VWA3B: variants seen among roughly 807,000 people sequenced by gnomAD.
VWA3B encodes the protein von Willebrand factor A domain containing 3B.
A neutral mutation model predicts 158.3 loss-of-function variants in VWA3B; 138 were observed. The observed-to-expected ratio is 0.87, with a 90% CI of 0.76 to 1.00. The LOEUF is 1.00. Among genes scored for constraint, VWA3B ranks in the 50% least tolerant of loss-of-function variants. The pLI is 0.00. For synonymous variants in VWA3B, 596 were observed against 587.3 expected (o/e 1.01, Z -0.21); for missense variants, 1,555 against 1,565.1 (o/e 0.99, Z 0.11).
At chr2:98,171,057 C>T (rs1029405529) in intron 8 of VWA3B, among the ~76,000 whole-genome samples, 1 of 152,192 alleles carries the variant, frequency 6.6e-6, no homozygotes, top group Non-Finnish European at 1.5e-5. Context: ...TCAGAAAACA[C>T]ATGTAAAACA....
intron 9 of VWA3B, among the ~76,000 whole-genome samples, chr2:98,183,950 C>T (rs1680799480): frequency 6.6e-6 from 1 of 152,212 alleles, no homozygotes; most frequent in Non-Finnish European, 1.5e-5. Context: ...CATTGTGAGT[C>T]AGAATTGAGC....
chr2:98,310,764 T>C (rs1690834649), intron 26 of VWA3B, among the ~76,000 whole-genome samples: 1 of 152,192 alleles, frequency 6.6e-6, no homozygotes, highest in Non-Finnish European at 1.5e-5. Context: ...GATTTAAAGA[T>C]GATTTTGTCT....
rs749959561 is a variant in VWA3B at position 98,250,424 on chromosome 2, A to G, written c.2780A>G (p.Gln927Arg). 4 of 1,609,960 alleles carry G rather than the reference A, an allele frequency of 2.5e-6. No homozygotes were observed. The highest frequency in any genetic ancestry group is 3.4e-5 in the Admixed American group (2 of 59,398). ...AAGCGAAAAGTGGAACAGGCAATTC[A>G]ATCCTATGAAAAGTGAGTATTACTC... is the stretch of plus-strand genomic sequence containing the variant. The part of the protein sequence containing the change: ...IYKRKVEQAI[Q>R]SYEKRLNKIV... The change falls in exon 20 of 28, where the codon CAA (glutamine) becomes CGA (arginine). Residue 927 changes from glutamine to arginine, a missense_variant. By Grantham distance (43) the Gln-to-Arg change is conservative. Transcript: ENST00000477737.
intron 7 of VWA3B, among the ~76,000 whole-genome samples, chr2:98,151,368 G>A (rs930886172): frequency 1.3e-5 from 2 of 152,212 alleles, no homozygotes; most frequent in African/African-American, 2.4e-5. Context: ...GCCTCCCAAA[G>A]TGCTGGGATC....
In VWA3B at chr2:98,119,639, C is replaced by T; in HGVS notation, c.418C>T (p.Gln140Ter). 1 of 1,614,106 alleles carries T rather than the reference C, an allele frequency of 6.2e-7. No homozygotes were observed. The highest frequency in any genetic ancestry group is 8.5e-7 in the Non-Finnish European group (1 of 1,180,010). Residue 140 changes from glutamine to a stop codon, truncating the protein, a stop_gained, in exon 4 of 28, where the codon CAG (glutamine) becomes TAG (stop). Coordinates refer to ENST00000477737, the MANE Select transcript of VWA3B (RefSeq NM_144992.5). LOFTEE classifies it high-confidence loss of function. ...SRQIFGVILE[Q>*]CVTIVLDFGG... Reference sequence around the variant, plus strand: ...GCAGATTTTTGGTGTCATCTTGGAACAGTGCGTCACCATAGTGCTGGATTT... The same window carrying T: ...GCAGATTTTTGGTGTCATCTTGGAATAGTGCGTCACCATAGTGCTGGATTT...
chr2:98,199,227 G>A (rs1221824304), intron 12 of VWA3B, among the ~76,000 whole-genome samples: 2 of 152,256 alleles, frequency 1.3e-5, no homozygotes, highest in African/African-American at 4.8e-5. Flanking sequence ...CTTTATTGAT[G>A]AGTATGGAAG....
chr2:98,126,775 G>C (rs1312743186), intron 5 of VWA3B, among the ~76,000 whole-genome samples: 1 of 152,204 alleles, frequency 6.6e-6, no homozygotes, highest in African/African-American at 2.4e-5. Flanking sequence ...GAGAGAAAGA[G>C]GCCTGGGAGG....
chr2:98,133,717 G>A, intron 6 of VWA3B, 107 bp from the exon 7 acceptor site: 1 of 856,806 alleles, frequency 1.2e-6, no homozygotes. Flanking sequence ...CTAAGAAGAT[G>A]AAGATGCCCA....
At chr2:98,095,218 T>C (rs1213194081) in intron 2 of VWA3B, among the ~76,000 whole-genome samples, 1 of 152,222 alleles carries the variant, frequency 6.6e-6, no homozygotes, top group Non-Finnish European at 1.5e-5. Context: ...CTTTGGGTAG[T>C]GTGGATATTT....
chr2:98,205,648 A>C (rs1326233336), intron 12 of VWA3B, among the ~76,000 whole-genome samples: 1 of 152,122 alleles, frequency 6.6e-6, no homozygotes, highest in African/African-American at 2.4e-5. Context: ...ATTTTATTGT[A>C]AGTAAGCTTT....
chr2:98,157,722 G>A (rs1558614413), intron 7 of VWA3B, among the ~76,000 whole-genome samples: 1 of 152,372 alleles, frequency 6.6e-6, no homozygotes, highest in East Asian at 1.9e-4. Context: ...CAGGCAGACT[G>A]CAAGCTCGCC....
chr2:98,303,622 G>T, intron 25 of VWA3B, 80 bp from the exon 26 acceptor site: 1 of 1,327,498 alleles, frequency 7.5e-7, no homozygotes, highest in Admixed American at 1.8e-5. Context: ...TATTATAATG[G>T]GTTGAGCTAG....
At chr2:98,293,640 A>G (rs1689625845) in intron 23 of VWA3B, among the ~76,000 whole-genome samples, 1 of 152,216 alleles carries the variant, frequency 6.6e-6, no homozygotes, top group South Asian at 2.1e-4. Flanking sequence ...ATACATATAT[A>G]CACACACCTT....
At position 98,303,759 on chromosome 2, in the gene VWA3B, T is replaced by A. The variant is rs1364665676; in HGVS notation, c.3478T>A (p.Cys1160Ser). ...CAGCCAAAACAAGTATGCGCTCTCTTGCTCTCATATAAAGTCACCCCCAAT... is the reference window on the plus strand; with the variant it reads ...CAGCCAAAACAAGTATGCGCTCTCTAGCTCTCATATAAAGTCACCCCCAAT... The part of the protein sequence containing the change: ...KISQNKYALS[C>S]SHIKSPPIPE... Residue 1160 changes from cysteine to serine, a missense_variant, in exon 26 of 28, where the codon TGC (cysteine) becomes AGC (serine). Coordinates refer to ENST00000477737, the MANE Select transcript of VWA3B (RefSeq NM_144992.5). The A allele has an allele frequency of 1.2e-6, 2 of 1,614,048 alleles. No individual in the cohort carries two copies. Among genetic ancestry groups the A allele is most frequent in the Admixed American group, 3.3e-5 (2 of 59,998 alleles).
At chr2:98,140,025 G>A (rs184327305) in intron 7 of VWA3B, among the ~76,000 whole-genome samples, 77 of 152,088 alleles carry the variant, frequency 5.1e-4, no homozygotes, top group African/African-American at 1.8e-3. Context: ...AACTCCAGAA[G>A]CGCCGCCTTA....
intron 9 of VWA3B, among the ~76,000 whole-genome samples, chr2:98,185,750 G>A (rs1680989111): frequency 6.6e-6 from 1 of 152,192 alleles, no homozygotes. Flanking sequence ...TCACTGCACA[G>A]ATACATGGCT....
At chr2:98,165,914 G>A (rs1230081276) in intron 8 of VWA3B, among the ~76,000 whole-genome samples, 7 of 152,184 alleles carry the variant, frequency 4.6e-5, no homozygotes, top group South Asian at 2.1e-4. Flanking sequence ...ACCTCCGCCC[G>A]GCAAAGAGAA....
At chr2:98,212,540 T>G (rs537356984) in intron 13 of VWA3B, among the ~76,000 whole-genome samples, 10 of 152,346 alleles carry the variant, frequency 6.6e-5, no homozygotes, top group African/African-American at 2.4e-4. Flanking sequence ...TCATCTTCTT[T>G]TGAGCTTTGT....
intron 7 of VWA3B, among the ~76,000 whole-genome samples, chr2:98,158,099 C>T (rs777448267): frequency 3.3e-5 from 5 of 152,108 alleles, no homozygotes; most frequent in Non-Finnish European, 1.5e-5. Flanking sequence ...CTCTTGCACA[C>T]CCCTCTGAAG....
Sources: allele counts gnomAD v4.1 joint callset (sites outside exome capture counted in the v4.1 genomes callset), GRCh38; gene constraint gnomAD v4.1.1; transcripts MANE v1.5; gene names NCBI Gene and HGNC (gene_info 2026-07-23, HGNC 2026-07-21).